Variants in CELA3A observed in about 807,000 individuals in gnomAD.
CELA3A encodes chymotrypsin-like elastase family member 3A.
Under a neutral mutation model 38.6 loss-of-function variants are expected in CELA3A, and 35 were observed. The observed-to-expected ratio is 0.91, with a 90% CI of 0.69 to 1.20. The LOEUF (loss-of-function observed/expected upper bound fraction) is 1.20, where lower values mean the gene tolerates loss of function less well. CELA3A is among the 50% of genes most tolerant of loss of function. CELA3A has a pLI of 0.00. For synonymous variants in CELA3A, 143 were observed against 136.7 expected, an observed-to-expected ratio of 1.05 and a Z score of -0.32; for missense variants, 343 against 354.2, an observed-to-expected ratio of 0.97 and a Z score of 0.25.
intron 4 of CELA3A, 76 bp downstream of exon 4, chr1:22,005,872 G>A: frequency 6.2e-7 from 1 of 1,602,564 alleles, no homozygotes; most frequent in Non-Finnish European, 8.5e-7. Context: ...AGTCTGAGTA[G>A]GCTCCAACTC....
In CELA3A at chr1:22,008,596, A is replaced by G. The variant is rs145915183; in HGVS notation, c.642+1081A>G. Among the ~76,000 whole-genome samples, 57 of 150,622 alleles carry G rather than the reference A, an allele frequency of 3.8e-4. 1 individual carries two copies. The highest frequency in any genetic ancestry group is 1.4e-3 in the African/African-American group (55 of 40,588). On this transcript the variant is annotated intron_variant, in intron 6 of 7. Transcript: ENST00000290122. ...AACATGGTGAAACCTCGTCTCTACT[A>G]AACACACAAAAAGTTAGCCGGGTGT...
intron 2 of CELA3A, among the ~76,000 whole-genome samples, chr1:22,003,874 T>C (rs1644932836): frequency 2.7e-5 from 4 of 149,828 alleles, no homozygotes; most frequent in Admixed American, 6.7e-5. Context: ...CCGGCTAATT[T>C]TGTATTTTTA....
rs1408683520 is a variant in CELA3A at position 22,003,808 on chromosome 1, C to A, written c.129+720C>A. On this transcript the variant is annotated intron_variant, in intron 2 of 7. Transcript: ENST00000290122. ...GCAAACTCTGCCACCCGGGTTCAAG[C>A]AATTCTCCTACCTCACCTCCCAAGT... Among the ~76,000 whole-genome samples the A allele has an allele frequency of 2.6e-5, 4 of 150,990 alleles. 2 individuals carry two copies. The highest frequency in any genetic ancestry group is 9.8e-5 in the African/African-American group (4 of 40,768).
chr1:22,004,842 G>A (rs1330879304), intron 2 of CELA3A, among the ~76,000 whole-genome samples: 19 of 151,360 alleles, frequency 1.3e-4, no homozygotes, highest in Admixed American at 2.6e-4. Flanking sequence ...GCTCACGCCT[G>A]TAATCCCAGC....
intron 2 of CELA3A, among the ~76,000 whole-genome samples, chr1:22,003,633 A>T (rs1386187221): frequency 2.0e-5 from 3 of 150,598 alleles, no homozygotes; most frequent in Non-Finnish European, 4.4e-5. Flanking sequence ...GTGAGACAAG[A>T]TTGCACCACT....
At chr1:22,006,537 A>C (rs1432538138) in intron 4 of CELA3A, among the ~76,000 whole-genome samples, 1 of 150,772 alleles carries the variant, frequency 6.6e-6, no homozygotes, top group Non-Finnish European at 1.5e-5. Flanking sequence ...AAAAATAAAT[A>C]AATGAATAAA....
chr1:22,006,740 T>G (rs1353807085), intron 4 of CELA3A, 138 bp from the exon 5 acceptor site: 12 of 728,150 alleles, frequency 1.6e-5, no homozygotes, highest in Non-Finnish European at 1.7e-5. Context: ...ATAATAATAA[T>G]AATGATGATG....
intron 6 of CELA3A, 144 bp downstream of exon 6, chr1:22,007,659 C>T (rs1171095003): frequency 1.1e-5 from 15 of 1,365,130 alleles, no homozygotes; most frequent in Non-Finnish European, 1.4e-5. Flanking sequence ...GAAATCAGCG[C>T]AGTCCAGACA....
chr1:22,006,228 G>C (rs1334966877), intron 4 of CELA3A, among the ~76,000 whole-genome samples: 1 of 151,738 alleles, frequency 6.6e-6, no homozygotes, highest in Non-Finnish European at 1.5e-5. Flanking sequence ...CATTAACTCT[G>C]TGTATGGCCT....
chr1:22,009,003 G>A (rs1644967726), intron 6 of CELA3A, among the ~76,000 whole-genome samples: 1 of 151,674 alleles, frequency 6.6e-6, no homozygotes, highest in Non-Finnish European at 1.5e-5. Flanking sequence ...CCTTTGGGAG[G>A]CCCCGGCAGG....
In CELA3A at chr1:22,006,996, G is replaced by A. The variant is rs143129391; in HGVS notation, c.481G>A (p.Gly161Ser). ...LPNKTPCYIT[G>S]WGRLYTNGPL... ...CAACAAGACACCCTGCTACATCACC[G>A]GCTGGGGCCGTCTCTATAGTACGTG... The change falls in exon 5 of 8, where the codon GGC (glycine) becomes AGC (serine). Residue 161 changes from glycine (G) to serine (S), a missense_variant. Physicochemically the swap from Gly to Ser is moderately conservative, Grantham distance 56. Transcript: ENST00000290122. 1.5e-3 allele frequency: 2,427 copies of A among 1,612,376 alleles called. 56 individuals are homozygous for A. Among genetic ancestry groups the A allele is most frequent in the Admixed American group, 2.5e-3 (147 of 59,930 alleles).
chr1:22,009,562 A>C (rs1644970906), intron 6 of CELA3A, 143 bp from the exon 7 acceptor site: 7 of 1,137,362 alleles, frequency 6.2e-6, no homozygotes, highest in Admixed American at 3.2e-5. Context: ...AAAAAATAAA[A>C]ATAATAAATG....
At chr1:22,009,106 C>G (rs1012550258) in intron 6 of CELA3A, among the ~76,000 whole-genome samples, 1 of 149,834 alleles carries the variant, frequency 6.7e-6, no homozygotes, top group African/African-American at 2.5e-5. Flanking sequence ...TGACTCACGC[C>G]TGTAATCCCA....
intron 7 of CELA3A, among the ~76,000 whole-genome samples, chr1:22,010,474 G>A (rs866092223): frequency 2.0e-5 from 3 of 150,986 alleles, no homozygotes; most frequent in East Asian, 3.9e-4. Context: ...AAAATTAGCC[G>A]GGCATGGTGG....
Position 22,001,761 on chromosome 1 carries a change from C to T in CELA3A, c.43+44C>T, listed in dbSNP as rs374752192. 78 of 1,607,476 alleles carry T rather than the reference C, an allele frequency of 4.9e-5. 2 individuals are homozygous for T. In the Middle Eastern group the frequency reaches 8.3e-4, roughly 17 times the overall value. ...TGTGTGCTCCCTGGGCTGCCCTGGA[C>T]TAGGAATCCTTGAAATCTACCACTC... On this transcript the variant is annotated intron_variant, in intron 1 of 7. Coordinates refer to ENST00000290122, the MANE Select transcript of CELA3A (RefSeq NM_005747.5).
rs377182598 is a variant in CELA3A, at chr1:22,006,911, C to A, written c.396C>A (p.Ser132Arg). 1.2e-6 allele frequency: 2 copies of A among 1,612,224 alleles called. No individual in the cohort carries two copies. The highest frequency in any genetic ancestry group is 1.3e-5 in the African/African-American group (1 of 74,154). Reference sequence around the variant, plus strand: ...TCGCCCTCATCAAGCTCTCACGCAGCGCCCAGCTGGGAGATGCCGTCCAGC... The same window carrying A: ...TCGCCCTCATCAAGCTCTCACGCAGAGCCCAGCTGGGAGATGCCGTCCAGC... The part of the protein sequence containing the change: ...NDIALIKLSR[S>R]AQLGDAVQLA... The change falls in exon 5 of 8, where the codon AGC becomes AGA. Residue 132 changes from serine to arginine, a missense_variant. By Grantham distance (110) the Ser-to-Arg change is moderately radical (BLOSUM62 -1). Transcript: ENST00000290122.
intron 6 of CELA3A, 81 bp from the exon 7 acceptor site, chr1:22,009,624 T>C: frequency 6.5e-7 from 1 of 1,533,360 alleles, no homozygotes. Context: ...TGTCAGAGTT[T>C]CTTGAAATCC....
At chr1:22,006,738 AATAATG>A (rs1210042982) in intron 4 of CELA3A, 134 bp from the exon 5 acceptor site, 79 of 657,058 alleles carry the variant, frequency 1.2e-4, no homozygotes, top group Non-Finnish European at 1.6e-4. Flanking sequence ...TAATAATAAT[AATAATG>A]ATGATGAAAG....
chr1:22,009,545 C>G (rs1644970831), intron 6 of CELA3A, among the ~76,000 whole-genome samples, 160 bp from the exon 7 acceptor site: 1 of 150,876 alleles, frequency 6.6e-6, no homozygotes, highest in Non-Finnish European at 1.5e-5. Context: ...GAGCGAGACT[C>G]CATCTAAAAA....
Sources: gnomAD v4.1 joint callset for allele counts (sites outside exome capture counted in the v4.1 genomes callset) on GRCh38, gnomAD v4.1.1 for gene constraint, MANE v1.5 for transcripts, NCBI Gene and HGNC (gene_info 2026-07-23, HGNC 2026-07-21) for gene names.